Variants in HERC3 observed in about 807,000 individuals in gnomAD.
HERC3 encodes HECT and RLD domain containing E3 ubiquitin protein ligase 3, also known as probable E3 ubiquitin-protein ligase HERC3.
Under a neutral mutation model 129.9 loss-of-function variants are expected in HERC3, and 58 were observed. That is an observed-to-expected ratio of 0.45 (90% CI 0.36 to 0.56). The LOEUF is 0.56. Among genes scored for constraint, HERC3 ranks in the 20% least tolerant of loss-of-function variants. HERC3 has a pLI of 0.00. For missense variants in HERC3, 835 were observed against 1,244.2 expected, an observed-to-expected ratio of 0.67 and a Z score of 4.95; for synonymous variants, 430 against 451.0, an observed-to-expected ratio of 0.95 and a Z score of 0.59.
At chr4:88,677,466 G>T (rs1732291762) in intron 18 of HERC3, among the ~76,000 whole-genome samples, 1 of 151,904 alleles carries the variant, frequency 6.6e-6, no homozygotes, top group Non-Finnish European at 1.5e-5. Context: ...CTGACTGTCT[G>T]CTTGTCTGTC....
At chr4:88,678,205 G>A (rs1732373704) in intron 19 of HERC3, 71 bp downstream of exon 19, 27 of 1,366,254 alleles carry the variant, frequency 2.0e-5, no homozygotes, top group Non-Finnish European at 2.7e-5. Flanking sequence ...TTAAGCAGCA[G>A]TGATCTTATT....
At chr4:88,597,351 A>C (rs1023461998) in intron 2 of HERC3, among the ~76,000 whole-genome samples, 4 of 152,258 alleles carry the variant, frequency 2.6e-5, no homozygotes, top group African/African-American at 9.6e-5. Context: ...TATCACAGAA[A>C]GTTCCAAGTT....
intron 2 of HERC3, among the ~76,000 whole-genome samples, chr4:88,597,283 T>TA (rs1722503421): frequency 6.6e-6 from 1 of 152,228 alleles, no homozygotes; most frequent in South Asian, 2.1e-4. Context: ...AAGTACTCAA[T>TA]AGCCACATAT....
intron 19 of HERC3, among the ~76,000 whole-genome samples, chr4:88,678,873 T>C (rs562701628): frequency 1.3e-5 from 2 of 152,352 alleles, no homozygotes; most frequent in South Asian, 4.1e-4. Context: ...TGCCTGGTTG[T>C]TCTTCCCAGA....
At chr4:88,691,568 A>G (rs1734080755) in intron 23 of HERC3, among the ~76,000 whole-genome samples, 1 of 152,282 alleles carries the variant, frequency 6.6e-6, no homozygotes, top group African/African-American at 2.4e-5. Flanking sequence ...TGACTCTTAT[A>G]AGGACACCAG....
In HERC3 at chr4:88,658,330, A is replaced by G. The variant is rs1293073427; in HGVS notation, c.1070-85A>G. ...TAAAATGGATAGGTACCCACTCTGA[A>G]GTGTATTCTGCGACAGTAGAAAAGG... is the stretch of plus-strand genomic sequence containing the variant. On this transcript the variant is annotated intron_variant, in intron 9 of 25. Coordinates refer to ENST00000402738, the MANE Select transcript of HERC3 (RefSeq NM_014606.3). 15 of 677,872 alleles carry G rather than the reference A, an allele frequency of 2.2e-5. 1 individual carries two copies. In the South Asian group the frequency reaches 2.6e-4, roughly 12 times the overall value. The allele number at this position is 677,872 out of a possible 1,614,324, so 42.0% of individuals were successfully genotyped here. A position where few individuals can be genotyped will look rare whatever the true frequency, so the allele number is the denominator to read the frequency against.
the HERC3 span, among the ~76,000 whole-genome samples, chr4:88,572,801 G>C: frequency 9.6e-6 from 1 of 104,192 alleles, no homozygotes; most frequent in African/African-American, 7.8e-5. Flanking sequence ...GAGCAAGACT[G>C]TCTCAAAAAA....
At chr4:88,576,866 G>C in the HERC3 span, among the ~76,000 whole-genome samples, 1 of 152,014 alleles carries the variant, frequency 6.6e-6, no homozygotes, top group African/African-American at 2.4e-5. Context: ...CACGCTTACA[G>C]ACTCCTTCCC....
chr4:88,629,800 A>G (rs1486775297), intron 3 of HERC3, among the ~76,000 whole-genome samples: 6 of 152,224 alleles, frequency 3.9e-5, no homozygotes, highest in African/African-American at 1.2e-4. Context: ...TTTATTACCA[A>G]CAGTTTAAAT....
At chr4:88,545,583 A>G in the HERC3 span, among the ~76,000 whole-genome samples, 9 of 151,842 alleles carry the variant, frequency 5.9e-5, no homozygotes, top group East Asian at 1.9e-4. Context: ...TTAGGGAATT[A>G]TGTATGAGAA....
chr4:88,653,295 G>A (rs1446099714), intron 6 of HERC3, among the ~76,000 whole-genome samples: 7 of 152,244 alleles, frequency 4.6e-5, no homozygotes, highest in Non-Finnish European at 1.5e-5. Flanking sequence ...GGATTTGAGA[G>A]TGCAGCTTCC....
chr4:88,552,014 C>T, the HERC3 span, among the ~76,000 whole-genome samples: 3 of 151,842 alleles, frequency 2.0e-5, no homozygotes, highest in African/African-American at 7.3e-5. Context: ...AATCATCATT[C>T]TCAGTAAACT....
the HERC3 span, among the ~76,000 whole-genome samples, chr4:88,563,729 G>A: frequency 4.0e-5 from 6 of 150,744 alleles, no homozygotes; most frequent in South Asian, 4.2e-4. Context: ...GCATGATCTC[G>A]GCTCACAGCA....
chr4:88,592,369 G>A (rs1163007274), upstream of HERC3: 1 of 152,506 alleles, frequency 6.6e-6, no homozygotes, highest in African/African-American at 2.4e-5. Context: ...TCCAGCCCGT[G>A]CCACGGCGGC....
the HERC3 span, among the ~76,000 whole-genome samples, chr4:88,577,295 C>T: frequency 6.6e-6 from 1 of 152,150 alleles, no homozygotes; most frequent in Admixed American, 6.5e-5. Flanking sequence ...TGAGGTTTGG[C>T]ATTAAAGCCT....
Position 88,651,444 on chromosome 4 carries a change from G to A in HERC3, c.387-568G>A, listed in dbSNP as rs149469458. Among the ~76,000 whole-genome samples the A allele has an allele frequency of 3.3e-3, 502 of 152,178 alleles. 1 individual carries two copies. Among genetic ancestry groups the A allele is most frequent in the African/African-American group, 0.012 (480 of 41,526 alleles). ...TTTACTTGTAAGGTGAATGACCTTG[G>A]GCAGGTTAACTTTTCTAAGCCTCAG... On this transcript the variant is annotated intron_variant, in intron 4 of 25. Transcript: ENST00000402738.
intron 3 of HERC3, among the ~76,000 whole-genome samples, chr4:88,624,184 A>G (rs1374488242): frequency 6.6e-6 from 1 of 152,120 alleles, no homozygotes; most frequent in Non-Finnish European, 1.5e-5. Context: ...ACATTTGAGT[A>G]TTTTCCCCCG....
chr4:88,584,246 CT>C, the HERC3 span, among the ~76,000 whole-genome samples: 2 of 152,158 alleles, frequency 1.3e-5, no homozygotes, highest in African/African-American at 4.8e-5. Flanking sequence ...CCAATGACAT[CT>C]GCAACAACCC....
intron 23 of HERC3, among the ~76,000 whole-genome samples, chr4:88,688,167 A>G (rs1161615760): frequency 6.6e-6 from 1 of 152,184 alleles, no homozygotes; most frequent in African/African-American, 2.4e-5. Flanking sequence ...GACACTAAAG[A>G]ATGCAAGTTG....
Sources: gnomAD v4.1 joint callset for allele counts (sites outside exome capture counted in the v4.1 genomes callset) on GRCh38, gnomAD v4.1.1 for gene constraint, MANE v1.5 for transcripts, NCBI Gene and HGNC (gene_info 2026-07-23, HGNC 2026-07-21) for gene names.